NAT1: variants seen among roughly 807,000 people sequenced by gnomAD.
The protein encoded by NAT1 is arylamine N-acetyltransferase 1.
For missense variants in NAT1, 400 were observed against 339.2 expected (o/e 1.18, Z -1.41); for synonymous variants, 144 against 122.6 (o/e 1.17, Z -1.16).
intron 1 of NAT1, among the ~76,000 whole-genome samples, chr8:18,217,314 G>C (rs776282153): frequency 2.7e-5 from 4 of 148,778 alleles, no homozygotes; most frequent in Admixed American, 6.7e-5. Flanking sequence ...TTAATACTCA[G>C]TCCTTTGACC....
At chr8:18,213,874 C>T (rs1429902501) in intron 1 of NAT1, among the ~76,000 whole-genome samples, 3 of 150,428 alleles carry the variant, frequency 2.0e-5, no homozygotes, top group East Asian at 1.9e-4. Context: ...GGTGCGGTGG[C>T]ACTATCTCGG....
At chr8:18,186,406 C>T (rs775556249) in intron 2 of NAT1, among the ~76,000 whole-genome samples, 13 of 151,994 alleles carry the variant, frequency 8.6e-5, no homozygotes, top group Non-Finnish European at 8.8e-5. Flanking sequence ...GTAGGTACAC[C>T]ATCTTTCTTT....
At chr8:18,199,030 T>C (rs575060924) in intron 2 of NAT1, among the ~76,000 whole-genome samples, 6 of 152,088 alleles carry the variant, frequency 3.9e-5, no homozygotes, top group Non-Finnish European at 8.8e-5. Flanking sequence ...GACCTTTTTT[T>C]TGGCCTGGTG....
chr8:18,177,798 G>A lies in NAT1; in HGVS notation n.92+7059G>A, dbSNP rs529161159. Among the ~76,000 whole-genome samples, 56 of 152,182 alleles carry A rather than the reference G, an allele frequency of 3.7e-4. 1 individual carries two copies. The South Asian group carries it at 7.9e-3, about 21-fold the overall frequency. On this transcript the variant is annotated intron_variant and non_coding_transcript_variant, in intron 2 of 4. Coordinates refer to the NAT1 transcript ENST00000517441. Reference sequence around the variant, plus strand: ...TTGCAACTTTATTAACATGTGTATCGTTGTCCAGGAGAATCCAAAAGGCAG... The same window carrying A: ...TTGCAACTTTATTAACATGTGTATCATTGTCCAGGAGAATCCAAAAGGCAG...
chr8:18,219,480 A>G lies in NAT1; in HGVS notation c.-16A>G, dbSNP rs572968162. 27 of 1,548,462 alleles carry G rather than the reference A, an allele frequency of 1.7e-5. No homozygotes were observed. In the African/African-American group the frequency reaches 3.3e-4, roughly 19 times the overall value. ...CTGAAGATCAACCTACTTTCAACTT[A>G]CTAAGAAAGGTATTAAGCGCCTTTC... On this transcript the variant is annotated 5_prime_UTR_variant, in exon 2 of 3. Transcript: ENST00000307719.
intron 2 of NAT1, among the ~76,000 whole-genome samples, chr8:18,182,404 G>A (rs1308967452): frequency 6.6e-6 from 1 of 152,162 alleles, no homozygotes; most frequent in Admixed American, 6.5e-5. Flanking sequence ...CCAAGGTCAT[G>A]AAGATTTTCT....
chr8:18,218,325 A>T (rs1804910328), intron 1 of NAT1, among the ~76,000 whole-genome samples: 1 of 152,192 alleles, frequency 6.6e-6, no homozygotes, highest in Non-Finnish European at 1.5e-5. Flanking sequence ...ATGGATGTTG[A>T]GGAGATCACA....
intron 2 of NAT1, among the ~76,000 whole-genome samples, chr8:18,220,713 C>T (rs935930513): frequency 1.3e-5 from 2 of 152,092 alleles, no homozygotes; most frequent in Non-Finnish European, 2.9e-5. Flanking sequence ...TCACCAATAG[C>T]TTTGAATGAA....
intron 2 of NAT1, among the ~76,000 whole-genome samples, chr8:18,188,706 A>G (rs1254534229): frequency 6.6e-6 from 1 of 151,888 alleles, no homozygotes; most frequent in African/African-American, 2.4e-5. Flanking sequence ...CTACTTTTAG[A>G]AAAACATCAG....
At chr8:18,210,406 A>G (rs925898525) in intron 1 of NAT1, among the ~76,000 whole-genome samples, 2 of 152,230 alleles carry the variant, frequency 1.3e-5, no homozygotes, top group Non-Finnish European at 2.9e-5. Context: ...CAGCCACTTT[A>G]TAGCTGTGAG....
upstream of NAT1, among the ~76,000 whole-genome samples, chr8:18,209,474 A>T (rs1803884846): frequency 6.6e-6 from 1 of 152,254 alleles, no homozygotes. Context: ...TAAAGAAACA[A>T]AAATTATGTT....
intron 2 of NAT1, among the ~76,000 whole-genome samples, chr8:18,173,774 T>C (rs1802186933): frequency 6.6e-6 from 1 of 152,180 alleles, no homozygotes. Flanking sequence ...TGGTCCCTAA[T>C]GGGTGGTTCC....
intron 2 of NAT1, among the ~76,000 whole-genome samples, chr8:18,194,818 T>TAAAA (rs57703927): frequency 7.0e-6 from 1 of 143,386 alleles, no homozygotes. Flanking sequence ...GACTCTGTCT[T>TAAAA]AAAAAAAAAA....
chr8:18,197,323 A>G (rs900063612), intron 2 of NAT1, among the ~76,000 whole-genome samples: 1 of 152,102 alleles, frequency 6.6e-6, no homozygotes, highest in Non-Finnish European at 1.5e-5. Context: ...AATTTACTAA[A>G]CTCATTGAAG....
intron 2 of NAT1, among the ~76,000 whole-genome samples, chr8:18,190,299 G>T (rs1802928370): frequency 6.6e-6 from 1 of 152,236 alleles, no homozygotes; most frequent in Non-Finnish European, 1.5e-5. Flanking sequence ...GTGAAAGTGT[G>T]TGTCCTTGGG....
At chr8:18,210,640 C>G (rs28359489) in intron 1 of NAT1, among the ~76,000 whole-genome samples, 2 of 152,158 alleles carry the variant, frequency 1.3e-5, no homozygotes, top group Admixed American at 6.5e-5. Context: ...CCCAAAGGAC[C>G]CAGTTAATCC....
At chr8:18,193,508 T>TATA (rs1803104002) in intron 2 of NAT1, among the ~76,000 whole-genome samples, 3 of 90,936 alleles carry the variant, frequency 3.3e-5, no homozygotes, top group Admixed American at 1.0e-4. Context: ...ATATATATAA[T>TATA]ATATATATAT....
intron 2 of NAT1, among the ~76,000 whole-genome samples, chr8:18,187,594 A>G (rs537999277): frequency 2.6e-5 from 4 of 152,128 alleles, no homozygotes; most frequent in Non-Finnish European, 5.9e-5. Flanking sequence ...TTAGCAAACT[A>G]ATGCAGGAAC....
chr8:18,184,859 T>G (rs1307132072), intron 2 of NAT1, among the ~76,000 whole-genome samples: 1 of 152,192 alleles, frequency 6.6e-6, no homozygotes, highest in Non-Finnish European at 1.5e-5. Flanking sequence ...AGTTTTTGCG[T>G]GCACTCATTT....
Sources: allele counts gnomAD v4.1 joint callset (sites outside exome capture counted in the v4.1 genomes callset), GRCh38; gene constraint gnomAD v4.1.1; transcripts MANE v1.5; gene names NCBI Gene and HGNC (gene_info 2026-07-23, HGNC 2026-07-21).